The following ADAM7 variants were observed in gnomAD, a reference collection of about 807,000 sequenced individuals.
The protein encoded by ADAM7 is ADAM metallopeptidase domain 7.
In ADAM7, 97 loss-of-function variants were observed where a neutral mutation model predicts 102.9. The ratio of observed to expected loss-of-function variants is 0.94; its 90% CI spans 0.80 to 1.12. ADAM7 has a LOEUF of 1.12. ADAM7 is among the 50% of genes most tolerant of loss of function. ADAM7 has a pLI of 0.00. For synonymous variants in ADAM7, 334 were observed against 304.4 expected, an observed-to-expected ratio of 1.10 and a Z score of -1.01; for missense variants, 991 against 908.7, an observed-to-expected ratio of 1.09 and a Z score of -1.16.
chr8:24,490,771 C>CTCA, intron 12 of ADAM7, 28 bp from the exon 13 acceptor site: 1 of 1,604,586 alleles, frequency 6.2e-7, no homozygotes, highest in Non-Finnish European at 8.5e-7. Flanking sequence ...ATACCAATTT[C>CTCA]TCATCTCTCT....
chr8:24,446,819 C>T (rs1472784988), intron 2 of ADAM7, among the ~76,000 whole-genome samples: 2 of 149,722 alleles, frequency 1.3e-5, no homozygotes, highest in Non-Finnish European at 3.0e-5. Context: ...AATTGTATAA[C>T]TAGAAACTAT....
At chr8:24,475,893 A>T in intron 7 of ADAM7, 1 of 456,400 alleles carries the variant, frequency 2.2e-6, no homozygotes, top group Non-Finnish European at 4.4e-6. Flanking sequence ...TAGACTGGAC[A>T]TGAAAAGTCT....
intron 2 of ADAM7, 132 bp downstream of exon 2, chr8:24,442,708 C>T: frequency 1.4e-6 from 1 of 708,980 alleles, no homozygotes. Flanking sequence ...TCGGCATACA[C>T]CATGTGCTTG....
intron 2 of ADAM7, among the ~76,000 whole-genome samples, chr8:24,445,827 T>G (rs1038339832): frequency 3.9e-5 from 6 of 152,208 alleles, no homozygotes; most frequent in African/African-American, 1.4e-4. Flanking sequence ...GATTTTCCAG[T>G]AATATTGAAC....
At chr8:24,484,571 T>C (rs1438887414) in intron 9 of ADAM7, among the ~76,000 whole-genome samples, 1 of 152,204 alleles carries the variant, frequency 6.6e-6, no homozygotes, top group Non-Finnish European at 1.5e-5. Context: ...CATTTTTCAA[T>C]TGTAGCTAAT....
chr8:24,454,771 G>A lies in ADAM7; in HGVS notation c.233+7509G>A, dbSNP rs560435389. On this transcript the variant is annotated intron_variant, in intron 3 of 21. Transcript: ENST00000175238. ...TCGCTCACGCTGGGAGCTGTAGACC[G>A]GAGCTGTTCCTATTCGTCCATCTTG... 7.0e-4 allele frequency among the ~76,000 whole-genome samples: 106 copies of A among 152,218 alleles called. 1 individual carries two copies. Among genetic ancestry groups the A allele is most frequent in the African/African-American group, 2.4e-3 (100 of 41,548 alleles).
At chr8:24,447,136 C>A (rs775938921) in intron 2 of ADAM7, 50 bp from the exon 3 acceptor site, 20 of 1,083,320 alleles carry the variant, frequency 1.8e-5, no homozygotes, top group Non-Finnish European at 2.7e-5. Flanking sequence ...TGCTCCAGAA[C>A]ACACTAAATG....
At chr8:24,461,571 T>C (rs577263943) in intron 3 of ADAM7, among the ~76,000 whole-genome samples, 1 of 152,208 alleles carries the variant, frequency 6.6e-6, no homozygotes, top group South Asian at 2.1e-4. Context: ...TTGGGTTCAT[T>C]TTTTGCTACT....
intron 3 of ADAM7, among the ~76,000 whole-genome samples, chr8:24,463,249 A>T (rs1819310849): frequency 6.6e-6 from 1 of 152,136 alleles, no homozygotes; most frequent in African/African-American, 2.4e-5. Flanking sequence ...TCAGGTTGGG[A>T]TCAAGAAGTG....
At chr8:24,441,315 C>T (rs1219342260) in intron 1 of ADAM7, among the ~76,000 whole-genome samples, 155 bp downstream of exon 1, 1 of 152,184 alleles carries the variant, frequency 6.6e-6, no homozygotes, top group East Asian at 1.9e-4. Context: ...AGACTCCATG[C>T]ATCTGTGTAA....
chr8:24,483,185 G>A lies in ADAM7; in HGVS notation c.875+874G>A, dbSNP rs540866929. Among the ~76,000 whole-genome samples the A allele has an allele frequency of 3.9e-5, 6 of 152,202 alleles. No individual in the cohort carries two copies. The East Asian group carries it at 1.2e-3, about 29-fold the overall frequency. On this transcript the variant is annotated intron_variant, in intron 9 of 21. Coordinates refer to ENST00000175238, the MANE Select transcript of ADAM7 (RefSeq NM_003817.4). ...CAATCTTTAATTTCTTTAAAAAGGG[G>A]ACCATTTTTATCATTTTTGTTATTC...
chr8:24,509,285 G>T lies in ADAM7; in HGVS notation c.*739G>T. 1.0e-6 allele frequency: 1 copy of T among 985,356 alleles called. No individual in the cohort carries two copies. Among genetic ancestry groups the T allele is most frequent in the Non-Finnish European group, 1.2e-6 (1 of 829,942 alleles). 61.0% of individuals were successfully genotyped at this position (985,356 alleles called of 1,614,324 possible). On this transcript the variant is annotated 3_prime_UTR_variant, in exon 22 of 22. Transcript: ENST00000175238. The stretch of plus-strand genomic sequence containing the variant: ...ACAACTCCTATGAAGGGTTTCTAAG[G>T]TCTTTGTCCTGTGCAATTTGACAAT...
At chr8:24,462,281 G>C (rs548411341) in intron 3 of ADAM7, among the ~76,000 whole-genome samples, 5 of 152,280 alleles carry the variant, frequency 3.3e-5, no homozygotes, top group Non-Finnish European at 7.4e-5. Flanking sequence ...ATTTGAGACT[G>C]AGTTTGTTTA....
At chr8:24,501,658 C>A in intron 20 of ADAM7, 82 bp downstream of exon 20, 1 of 1,030,282 alleles carries the variant, frequency 9.7e-7, no homozygotes, top group Non-Finnish European at 1.4e-6. Context: ...AGAACCCGTC[C>A]TAAGCTAAGT....
rs569615084 is a variant in ADAM7, at chr8:24,463,658, G to T, written c.234-224G>T. Among the ~76,000 whole-genome samples the T allele has an allele frequency of 4.6e-5, 7 of 152,132 alleles. No homozygotes were observed. The South Asian group carries it at 1.2e-3, about 27-fold the overall frequency. On this transcript the variant is annotated intron_variant, in intron 3 of 21. Transcript: ENST00000175238. ...TTAAAAATACTGCTTTGCTAAAACTGCCAGAATCTATTTTCTAGCTTCTCT... is the reference window on the plus strand; with the variant it reads ...TTAAAAATACTGCTTTGCTAAAACTTCCAGAATCTATTTTCTAGCTTCTCT...
intron 2 of ADAM7, 42 bp downstream of exon 2, chr8:24,442,618 A>G: frequency 6.7e-7 from 1 of 1,485,242 alleles, no homozygotes; most frequent in Non-Finnish European, 9.4e-7. Flanking sequence ...TTGCTTTCAC[A>G]GGCATGTAGA....
At chr8:24,457,863 A>AGTGTGTGTGT (rs58099346) in intron 3 of ADAM7, among the ~76,000 whole-genome samples, 60 of 147,980 alleles carry the variant, frequency 4.1e-4, no homozygotes, top group Admixed American at 1.6e-3. Flanking sequence ...TATGTGTGTG[A>AGTGTGTGTGT]GTGTGTGTGT....
chr8:24,487,453 C>G (rs1820180824), intron 11 of ADAM7, 136 bp downstream of exon 11: 1 of 1,095,252 alleles, frequency 9.1e-7, no homozygotes, highest in South Asian at 1.8e-5. Flanking sequence ...TCGAGACCAG[C>G]CTGGCCAACA....
intron 16 of ADAM7, among the ~76,000 whole-genome samples, chr8:24,496,966 A>C (rs1820578756): frequency 6.6e-6 from 1 of 152,158 alleles, no homozygotes; most frequent in Non-Finnish European, 1.5e-5. Context: ...GGACGGAATG[A>C]TGTGGTTTGG....
Sources: gnomAD v4.1 joint callset for allele counts (sites outside exome capture counted in the v4.1 genomes callset) on GRCh38, gnomAD v4.1.1 for gene constraint, MANE v1.5 for transcripts, NCBI Gene and HGNC (gene_info 2026-07-23, HGNC 2026-07-21) for gene names.